Variants in GALNTL6 observed in about 807,000 individuals in gnomAD.
GALNTL6 encodes polypeptide N-acetylgalactosaminyltransferase like 6.
GALNTL6 carries 46 observed loss-of-function variants against 73.7 expected under a neutral mutation model. The ratio of observed to expected loss-of-function variants is 0.62; its 90% CI spans 0.49 to 0.80. The LOEUF (loss-of-function observed/expected upper bound fraction) is 0.80. Among genes scored for constraint, GALNTL6 ranks in the 30% least tolerant of loss-of-function variants. The pLI, the probability that GALNTL6 is intolerant of heterozygous loss-of-function variation, is 0.00. For synonymous variants in GALNTL6, 259 were observed against 263.7 expected, an observed-to-expected ratio of 0.98 and a Z score of 0.17; for missense variants, 604 against 755.0, an observed-to-expected ratio of 0.80 and a Z score of 2.34.
chr4:172,397,247 T>G (rs973402580), intron 5 of GALNTL6, among the ~76,000 whole-genome samples: 1 of 152,208 alleles, frequency 6.6e-6, no homozygotes, highest in Non-Finnish European at 1.5e-5. Flanking sequence ...GCTAATTCTT[T>G]CATATTAGAG....
At chr4:172,838,357 G>GGCGGAGTC (rs1375993300) in intron 7 of GALNTL6, among the ~76,000 whole-genome samples, 1 of 152,218 alleles carries the variant, frequency 6.6e-6, no homozygotes, top group Non-Finnish European at 1.5e-5. Flanking sequence ...GTGTCCGGTG[G>GGCGGAGTC]GCGGAGTCCA....
intron 3 of GALNTL6, among the ~76,000 whole-genome samples, chr4:172,233,462 A>T (rs1205853288): frequency 6.6e-6 from 1 of 152,106 alleles, no homozygotes; most frequent in Non-Finnish European, 1.5e-5. Context: ...TGAGGTAGGG[A>T]TCCAATATTT....
intron 2 of GALNTL6, among the ~76,000 whole-genome samples, chr4:171,848,524 G>A (rs1469384153): frequency 1.3e-5 from 2 of 152,190 alleles, no homozygotes; most frequent in Non-Finnish European, 2.9e-5. Context: ...ATATAAGGCT[G>A]TTTTGTCTAT....
chr4:171,886,719 G>A (rs1450458710), intron 2 of GALNTL6, among the ~76,000 whole-genome samples: 2 of 152,266 alleles, frequency 1.3e-5, no homozygotes, highest in East Asian at 3.9e-4. Context: ...GTTTGTGATG[G>A]TTTATTGGAG....
chr4:172,291,116 T>A (rs1739457648), intron 3 of GALNTL6, among the ~76,000 whole-genome samples: 1 of 152,126 alleles, frequency 6.6e-6, no homozygotes, highest in Admixed American at 6.5e-5. Flanking sequence ...TGTGACAGCG[T>A]GAAAACCATT....
At chr4:172,547,366 C>T (rs1180440292) in intron 5 of GALNTL6, among the ~76,000 whole-genome samples, 1 of 152,032 alleles carries the variant, frequency 6.6e-6, no homozygotes, top group Non-Finnish European at 1.5e-5. Flanking sequence ...TTGGGGTGCT[C>T]ATCTATTTTG....
At chr4:172,690,734 G>A (rs1733229619) in intron 5 of GALNTL6, among the ~76,000 whole-genome samples, 1 of 152,164 alleles carries the variant, frequency 6.6e-6, no homozygotes, top group Non-Finnish European at 1.5e-5. Context: ...AATATTATTT[G>A]CATATCTCTC....
At chr4:172,037,201 A>G (rs1483752055) in intron 2 of GALNTL6, among the ~76,000 whole-genome samples, 1 of 152,178 alleles carries the variant, frequency 6.6e-6, no homozygotes, top group East Asian at 1.9e-4. Context: ...CTTAACGTGT[A>G]TCAATACAAT....
intron 5 of GALNTL6, among the ~76,000 whole-genome samples, chr4:172,785,536 G>C (rs1328803562): frequency 6.6e-6 from 1 of 151,888 alleles, no homozygotes; most frequent in Non-Finnish European, 1.5e-5. Context: ...AGGTACTCGA[G>C]TTATAGCATA....
At chr4:172,014,291 C>T (rs547180788) in intron 2 of GALNTL6, among the ~76,000 whole-genome samples, 2 of 152,080 alleles carry the variant, frequency 1.3e-5, no homozygotes, top group African/African-American at 4.8e-5. Flanking sequence ...TTTGAGGAAC[C>T]TCCATTCTGT....
intron 2 of GALNTL6, among the ~76,000 whole-genome samples, chr4:172,207,332 C>T (rs1220720323): frequency 2.0e-5 from 3 of 151,796 alleles, no homozygotes; most frequent in Admixed American, 6.6e-5. Context: ...TATAGGAAGA[C>T]GAGAAAATAC....
intron 3 of GALNTL6, among the ~76,000 whole-genome samples, chr4:172,308,112 T>C (rs1578938291): frequency 6.7e-6 from 1 of 148,592 alleles, no homozygotes; most frequent in African/African-American, 2.4e-5. Context: ...TGTTACTGAT[T>C]TGTATTCATC....
At chr4:173,021,283 G>T (rs1752979327) in intron 11 of GALNTL6, among the ~76,000 whole-genome samples, 193 bp from the exon 12 acceptor site, 1 of 152,112 alleles carries the variant, frequency 6.6e-6, no homozygotes, top group Non-Finnish European at 1.5e-5. Context: ...TGGACCAAAA[G>T]TGCAGCTGTT....
intron 7 of GALNTL6, among the ~76,000 whole-genome samples, chr4:172,870,677 T>C (rs1744887975): frequency 6.6e-6 from 1 of 152,228 alleles, no homozygotes; most frequent in African/African-American, 2.4e-5. Context: ...GCAAAGCAGA[T>C]CCTGCTCTGA....
chr4:172,281,006 A>T (rs1400399476), intron 3 of GALNTL6, among the ~76,000 whole-genome samples: 6 of 130,500 alleles, frequency 4.6e-5, no homozygotes, highest in African/African-American at 6.5e-5. Context: ...TAAAAAATAC[A>T]AAAAAAAAAA....
intron 2 of GALNTL6, among the ~76,000 whole-genome samples, chr4:172,227,614 G>A (rs72702825): frequency 9.9e-5 from 15 of 151,996 alleles, no homozygotes; most frequent in South Asian, 4.1e-4. Flanking sequence ...TGAAAATTCC[G>A]TGCCATAAAA....
chr4:172,011,711 A>G (rs969371322), intron 2 of GALNTL6, among the ~76,000 whole-genome samples: 3 of 152,056 alleles, frequency 2.0e-5, no homozygotes, highest in African/African-American at 7.2e-5. Flanking sequence ...AACCCATGGT[A>G]CCTTTGTTAG....
At chr4:172,696,825 C>A (rs1002823497) in intron 5 of GALNTL6, among the ~76,000 whole-genome samples, 4 of 152,086 alleles carry the variant, frequency 2.6e-5, no homozygotes, top group South Asian at 2.1e-4. Context: ...AGAAAAAAAT[C>A]ATCACTTCTG....
At chr4:172,522,258 G>T (rs1020904028) in intron 5 of GALNTL6, among the ~76,000 whole-genome samples, 3 of 152,030 alleles carry the variant, frequency 2.0e-5, no homozygotes, top group Admixed American at 2.0e-4. Flanking sequence ...CACAATAAAA[G>T]TAATTATTAA....
Sources: gnomAD v4.1 joint callset for allele counts (sites outside exome capture counted in the v4.1 genomes callset) on GRCh38, gnomAD v4.1.1 for gene constraint, MANE v1.5 for transcripts, NCBI Gene and HGNC (gene_info 2026-07-23, HGNC 2026-07-21) for gene names.